Variants in POLE2 observed in about 807,000 individuals in gnomAD.
POLE2 encodes DNA polymerase epsilon subunit 2.
In POLE2, 56 loss-of-function variants were observed where a neutral mutation model predicts 79.4. The ratio of observed to expected loss-of-function variants is 0.71; its 90% CI spans 0.57 to 0.88. The LOEUF (loss-of-function observed/expected upper bound fraction) is 0.88. Ranked by LOEUF, POLE2 falls within the 40% of genes least tolerant of loss-of-function variation. The pLI is 0.00. For synonymous variants in POLE2, 212 were observed against 214.0 expected, an observed-to-expected ratio of 0.99 and a Z score of 0.08; for missense variants, 598 against 638.9, an observed-to-expected ratio of 0.94 and a Z score of 0.69.
chr14:49,647,889 A>G (rs1371652234), intron 17 of POLE2, among the ~76,000 whole-genome samples: 4 of 152,256 alleles, frequency 2.6e-5, no homozygotes, highest in Non-Finnish European at 5.9e-5. Flanking sequence ...TTACTATAAA[A>G]TATCTCCACT....
chr14:49,677,167 A>T (rs1225865562), intron 3 of POLE2, among the ~76,000 whole-genome samples: 1 of 152,244 alleles, frequency 6.6e-6, no homozygotes, highest in Non-Finnish European at 1.5e-5. Flanking sequence ...GAGGAGGCCC[A>T]GCCAAGAAGC....
At chr14:49,652,143 A>T (rs1884293412) in intron 15 of POLE2, among the ~76,000 whole-genome samples, 1 of 151,948 alleles carries the variant, frequency 6.6e-6, no homozygotes, top group Non-Finnish European at 1.5e-5. Flanking sequence ...GATCACTTTC[A>T]CACTGCGTTA....
intron 10 of POLE2, among the ~76,000 whole-genome samples, chr14:49,659,438 A>C (rs1884945035): frequency 6.6e-6 from 1 of 152,206 alleles, no homozygotes; most frequent in African/African-American, 2.4e-5. Flanking sequence ...AAAAGCTCAC[A>C]AAATCAGGAT....
chr14:49,681,937 C>A, intron 2 of POLE2: 1 of 151,974 alleles, frequency 6.6e-6, no homozygotes, highest in Middle Eastern at 1.0e-3. Context: ...TGTTTCATAA[C>A]TTTGGTATAC....
Position 49,674,386 on chromosome 14 carries a change from C to T in POLE2, c.287G>A (p.Arg96His), listed in dbSNP as rs759771973. The change falls in exon 4 of 19, where the codon CGC becomes CAC. Residue 96 changes from arginine to histidine, a missense_variant. Physicochemically the swap from Arg to His is conservative, Grantham distance 29 (BLOSUM62 0). Coordinates refer to ENST00000216367, the MANE Select transcript of POLE2 (RefSeq NM_002692.4). ...FNIIGAFDIP[R>H]FVYNSERKKF... is the part of the protein sequence containing the mutation. ...TTTTCTTTCTGAATTGTACACAAAGCGTGGAATATCAAATGCTCCTATGAT... is the reference window on the plus strand; with the variant it reads ...TTTTCTTTCTGAATTGTACACAAAGTGTGGAATATCAAATGCTCCTATGAT... The T allele has an allele frequency of 6.8e-6, 11 of 1,610,738 alleles. No homozygotes were observed. Among genetic ancestry groups the T allele is most frequent in the Non-Finnish European group, 8.5e-6 (10 of 1,177,234 alleles).
intron 10 of POLE2, among the ~76,000 whole-genome samples, chr14:49,661,475 G>C (rs576662027): frequency 3.9e-5 from 6 of 152,116 alleles, no homozygotes; most frequent in Non-Finnish European, 8.8e-5. Context: ...ACATAAATCA[G>C]AGCATCACAG....
chr14:49,686,933 T>C (rs933319929), intron 1 of POLE2, among the ~76,000 whole-genome samples: 1 of 151,802 alleles, frequency 6.6e-6, no homozygotes, highest in Admixed American at 6.6e-5. Context: ...ACAAAAGCAA[T>C]AAAAACTGAT....
intron 18 of POLE2, among the ~76,000 whole-genome samples, chr14:49,644,990 C>T (rs148583920): frequency 2.0e-5 from 3 of 148,160 alleles, no homozygotes; most frequent in Non-Finnish European, 4.5e-5. Flanking sequence ...TGCAGTGAGC[C>T]GAGACTGTGC....
At chr14:49,670,015 C>G (rs989647887) in intron 5 of POLE2, among the ~76,000 whole-genome samples, 3 of 151,992 alleles carry the variant, frequency 2.0e-5, no homozygotes, top group Admixed American at 6.6e-5. Flanking sequence ...CAAAAGGAGT[C>G]TGAGATAAGA....
rs557882378 is a variant in POLE2 at position 49,669,269 on chromosome 14, C to T, written c.492+255G>A. Among the ~76,000 whole-genome samples, 5 of 152,206 alleles carry T rather than the reference C, an allele frequency of 3.3e-5. No individual in the cohort carries two copies. In the South Asian group the frequency reaches 1.0e-3, roughly 32 times the overall value. ...AGTATCCAAATGAGCTAGGAATCTA[C>T]CTTGGAGGCCAGAGTGTATCTGGGG... On this transcript the variant is annotated intron_variant, in intron 6 of 18. Coordinates refer to ENST00000216367, the MANE Select transcript of POLE2 (RefSeq NM_002692.4).
chr14:49,649,583 G>A (rs911469762), intron 17 of POLE2, among the ~76,000 whole-genome samples: 1 of 151,794 alleles, frequency 6.6e-6, no homozygotes, highest in Non-Finnish European at 1.5e-5. Context: ...CCAAGTAGGT[G>A]GGATTACAGG....
intron 17 of POLE2, among the ~76,000 whole-genome samples, chr14:49,649,228 GCT>G (rs1884011453): frequency 8.0e-6 from 1 of 125,446 alleles, no homozygotes; most frequent in Non-Finnish European, 1.6e-5. Context: ...CTCACTACAA[GCT>G]CTGTCTCCCG....
chr14:49,679,071 A>AAATAAAGAT (rs1321336163), intron 3 of POLE2, among the ~76,000 whole-genome samples: 1 of 152,176 alleles, frequency 6.6e-6, no homozygotes, highest in East Asian at 1.9e-4. Flanking sequence ...CTTCTGACTA[A>AAATAAAGAT]AATAAAGATA....
chr14:49,659,991 A>G (rs1884984878), intron 10 of POLE2, among the ~76,000 whole-genome samples: 1 of 152,206 alleles, frequency 6.6e-6, no homozygotes, highest in Non-Finnish European at 1.5e-5. Flanking sequence ...GTAATGTCCT[A>G]GGCCTTCAAA....
intron 17 of POLE2, chr14:49,649,992 G>A (rs1884089324): frequency 1.1e-5 from 2 of 189,982 alleles, no homozygotes; most frequent in Non-Finnish European, 1.1e-5. Flanking sequence ...GTTCTGAAGA[G>A]GAGAAAATTA....
At chr14:49,674,898 G>T (rs1034638183) in intron 3 of POLE2, among the ~76,000 whole-genome samples, 3 of 152,004 alleles carry the variant, frequency 2.0e-5, no homozygotes, top group African/African-American at 7.3e-5. Context: ...AATACAATGG[G>T]TGTAAAATGT....
chr14:49,667,182 C>G (rs1237809876), intron 6 of POLE2, among the ~76,000 whole-genome samples: 3 of 150,154 alleles, frequency 2.0e-5, no homozygotes, highest in African/African-American at 7.4e-5. Flanking sequence ...AAGACTCTGT[C>G]TCAAAAAAAA....
intron 10 of POLE2, among the ~76,000 whole-genome samples, chr14:49,660,198 A>G (rs932128540): frequency 4.6e-5 from 7 of 152,228 alleles, no homozygotes; most frequent in Non-Finnish European, 8.8e-5. Context: ...GCAACGTGTC[A>G]CACAGGTTTG....
intron 1 of POLE2, among the ~76,000 whole-genome samples, chr14:49,686,280 T>A (rs1226247079): frequency 2.0e-5 from 3 of 152,132 alleles, no homozygotes; most frequent in Non-Finnish European, 2.9e-5. Context: ...AAAAAAAATT[T>A]AAAAATAACA....
Sources: allele counts gnomAD v4.1 joint callset (sites outside exome capture counted in the v4.1 genomes callset), GRCh38; gene constraint gnomAD v4.1.1; transcripts MANE v1.5; gene names NCBI Gene and HGNC (gene_info 2026-07-23, HGNC 2026-07-21).